The following CNTN5 variants were observed in gnomAD, a reference collection of about 807,000 sequenced individuals.
CNTN5 encodes contactin 5.
A neutral mutation model predicts 129.1 loss-of-function variants in CNTN5; 77 were observed. That is an observed-to-expected ratio of 0.60 (90% confidence interval 0.50 to 0.72). CNTN5 has a LOEUF of 0.72. Among genes scored for constraint, CNTN5 ranks in the 30% least tolerant of loss-of-function variants. The pLI is 0.00. For synonymous variants in CNTN5, 509 were observed against 465.6 expected (o/e 1.09, Z -1.20); for missense variants, 1,478 against 1,328.8 (o/e 1.11, Z -1.75).
At chr11:99,285,902 G>A (rs1191478052) in intron 1 of CNTN5, among the ~76,000 whole-genome samples, 3 of 151,900 alleles carry the variant, frequency 2.0e-5, no homozygotes, top group Non-Finnish European at 4.4e-5. Flanking sequence ...GCCAGGTGTG[G>A]TGGTGGGCAC....
At chr11:100,046,306 A>G (rs968544289) in intron 9 of CNTN5, among the ~76,000 whole-genome samples, 1 of 152,222 alleles carries the variant, frequency 6.6e-6, no homozygotes, top group African/African-American at 2.4e-5. Flanking sequence ...AAACAGTACC[A>G]AGAGTAACAA....
At chr11:99,320,096 C>T (rs1865505968) in intron 1 of CNTN5, among the ~76,000 whole-genome samples, 1 of 152,018 alleles carries the variant, frequency 6.6e-6, no homozygotes, top group African/African-American at 2.4e-5. Context: ...AAAAATTAGC[C>T]AGCCATGGTG....
At chr11:99,742,362 T>G (rs1267376873) in intron 3 of CNTN5, among the ~76,000 whole-genome samples, 1 of 85,498 alleles carries the variant, frequency 1.2e-5, no homozygotes, top group Non-Finnish European at 2.1e-5. Context: ...TACATCAGAT[T>G]GTACTTAACA....
In CNTN5 at chr11:100,299,325, A is replaced by C; in HGVS notation, c.2549A>C (p.Lys850Thr). ...SVPPLTPFEV[K>T]VGVYNNKGDG... ...CCTCCTCTTACTCCCTTTGAAGTGA[A>C]AGTTGGCGTTTATAACAATAAAGGA... Residue 850 changes from lysine (K) to threonine (T), a missense_variant, in exon 20 of 25, where the codon AAA becomes ACA. By Grantham distance (78) the Lys-to-Thr change is moderately conservative. Transcript: ENST00000524871. The C allele has an allele frequency of 6.2e-7, 1 of 1,610,592 alleles. No homozygotes were observed. Among genetic ancestry groups the C allele is most frequent in the East Asian group, 2.2e-5 (1 of 44,784 alleles).
intron 7 of CNTN5, among the ~76,000 whole-genome samples, chr11:99,916,880 G>A (rs1200897299): frequency 1.3e-5 from 2 of 152,056 alleles, no homozygotes; most frequent in African/African-American, 2.4e-5. Context: ...AAGAGCACAA[G>A]GAAGAACCAA....
chr11:100,252,802 G>A (rs1444057332), intron 16 of CNTN5, among the ~76,000 whole-genome samples: 1 of 152,110 alleles, frequency 6.6e-6, no homozygotes, highest in Non-Finnish European at 1.5e-5. Context: ...TAGCTAATTT[G>A]GACTTCTTCA....
rs115084893 is a variant in CNTN5 at position 99,313,427 on chromosome 11, T to A, written c.-209-11919T>A. Among the ~76,000 whole-genome samples the A allele has an allele frequency of 5.7e-3, 867 of 152,216 alleles. 8 individuals carry two copies. The highest frequency in any genetic ancestry group is 0.02 in the African/African-American group (814 of 41,576). ...AACAAATGCCCATCCACTAACTTATTCTAGACTTAAGACTTTTTTTACAGA... is the reference window on the plus strand; with the variant it reads ...AACAAATGCCCATCCACTAACTTATACTAGACTTAAGACTTTTTTTACAGA... On this transcript the variant is annotated intron_variant, in intron 1 of 24. Coordinates refer to ENST00000524871, the MANE Select transcript of CNTN5 (RefSeq NM_014361.4).
intron 6 of CNTN5, among the ~76,000 whole-genome samples, chr11:99,859,294 T>C (rs1272967622): frequency 6.6e-6 from 1 of 152,254 alleles, no homozygotes; most frequent in Admixed American, 6.5e-5. Flanking sequence ...ACGTATGTAA[T>C]ATATCTGATG....
chr11:99,228,432 G>A (rs917987564), intron 1 of CNTN5, among the ~76,000 whole-genome samples: 1 of 152,034 alleles, frequency 6.6e-6, no homozygotes, highest in Non-Finnish European at 1.5e-5. Flanking sequence ...AGAGCAGGGT[G>A]ATGGTTAATA....
At chr11:100,346,185 C>A (rs1216859510) in intron 23 of CNTN5, among the ~76,000 whole-genome samples, 2 of 151,952 alleles carry the variant, frequency 1.3e-5, no homozygotes, top group East Asian at 3.9e-4. Flanking sequence ...TGTTTTTAAA[C>A]AAATAAAATT....
At chr11:99,735,993 C>T (rs1426049993) in intron 3 of CNTN5, among the ~76,000 whole-genome samples, 2 of 151,722 alleles carry the variant, frequency 1.3e-5, no homozygotes, top group Non-Finnish European at 2.9e-5. Flanking sequence ...TGAATAGCTC[C>T]TCTTGATTTC....
chr11:100,025,413 G>T (rs943428892), intron 9 of CNTN5, among the ~76,000 whole-genome samples: 4 of 152,250 alleles, frequency 2.6e-5, no homozygotes, highest in African/African-American at 7.2e-5. Context: ...TGCTGGTGCA[G>T]TGCAGAAGGG....
chr11:99,868,642 T>A (rs963951388), intron 6 of CNTN5, among the ~76,000 whole-genome samples: 19 of 152,182 alleles, frequency 1.2e-4, no homozygotes, highest in African/African-American at 4.3e-4. Context: ...TCAACAGGAA[T>A]ATGCTGAAAG....
chr11:100,309,404 T>C (rs1951424171), intron 21 of CNTN5: 2 of 969,554 alleles, frequency 2.1e-6, no homozygotes, highest in South Asian at 9.5e-5. Context: ...CATTAAATAA[T>C]GATTTCTATG....
At chr11:99,328,688 T>C (rs906273252) in intron 2 of CNTN5, among the ~76,000 whole-genome samples, 5 of 151,604 alleles carry the variant, frequency 3.3e-5, no homozygotes, top group African/African-American at 1.2e-4. Context: ...TTGACCAACA[T>C]GGAGAAACCC....
intron 1 of CNTN5, among the ~76,000 whole-genome samples, chr11:99,206,206 C>T (rs10892901): frequency 0.34 from 51,932 of 151,818 alleles, 9,315 homozygotes; most frequent in Middle Eastern, 0.5. Context: ...GATTTATTTC[C>T]GAAAGATTTC....
intron 3 of CNTN5, among the ~76,000 whole-genome samples, chr11:99,699,155 T>C (rs1954406832): frequency 6.6e-6 from 1 of 151,390 alleles, no homozygotes; most frequent in Admixed American, 6.6e-5. Flanking sequence ...CATGTCGTGA[T>C]GATTTTCCTG....
intron 8 of CNTN5, among the ~76,000 whole-genome samples, chr11:100,000,120 C>T (rs150808155): frequency 0.056 from 8,524 of 151,740 alleles, 275 homozygotes; most frequent in Non-Finnish European, 0.076. Context: ...AACTAACCTG[C>T]ACATTGTGCA....
At chr11:99,721,978 A>G (rs972736725) in intron 3 of CNTN5, among the ~76,000 whole-genome samples, 1 of 152,134 alleles carries the variant, frequency 6.6e-6, no homozygotes, top group Admixed American at 6.6e-5. Context: ...TAAAAAGCTA[A>G]TAACAGATGC....
Sources: gnomAD v4.1 joint callset for allele counts (sites outside exome capture counted in the v4.1 genomes callset) on GRCh38, gnomAD v4.1.1 for gene constraint, MANE v1.5 for transcripts, NCBI Gene and HGNC (gene_info 2026-07-23, HGNC 2026-07-21) for gene names.